GPC3: variants seen among roughly 807,000 people sequenced by gnomAD.
The protein encoded by GPC3 is glypican 3, also known as glypican-3.
GPC3 carries 3 observed loss-of-function variants against 34.4 expected under a neutral mutation model. That is an observed-to-expected ratio of 0.09 (90% confidence interval 0.04 to 0.23). GPC3 has a LOEUF of 0.23. Among genes scored for constraint, GPC3 ranks in the 10% least tolerant of loss-of-function variants. The pLI is 1.00. For missense variants in GPC3, 351 were observed against 445.6 expected (o/e 0.79, Z 1.91); for synonymous variants, 177 against 174.0 (o/e 1.02, Z -0.13).
At chrX:133,785,313 T>C (rs1479005527) in intron 2 of GPC3, among the ~76,000 whole-genome samples, 2 of 110,821 alleles carry the variant, frequency 1.8e-5, no homozygotes, top group Non-Finnish European at 3.8e-5. Context: ...TAGACTAGAG[T>C]GTCAGGTAAA....
chrX:133,964,763 T>C (rs1315123392), intron 1 of GPC3, among the ~76,000 whole-genome samples: 1 of 111,938 alleles, frequency 8.9e-6, no homozygotes, highest in Non-Finnish European at 1.9e-5. Context: ...GTAAGACTCA[T>C]TGTTTCAGAC....
chrX:133,664,502 CA>C (rs200227111), intron 5 of GPC3, among the ~76,000 whole-genome samples: 4,339 of 110,832 alleles, frequency 0.039, 211 homozygotes, highest in African/African-American at 0.13. Context: ...TTTTAATGTT[CA>C]AAAGTAGATT....
intron 6 of GPC3, among the ~76,000 whole-genome samples, chrX:133,608,743 C>G (rs921790952): frequency 1.8e-5 from 2 of 111,623 alleles, no homozygotes; most frequent in African/African-American, 6.5e-5. Flanking sequence ...TAGTTTCTGA[C>G]AAAACTTCCT....
chrX:133,705,970 C>G (rs1241359088), intron 3 of GPC3, among the ~76,000 whole-genome samples: 3 of 111,843 alleles, frequency 2.7e-5, no homozygotes, highest in Non-Finnish European at 5.6e-5. Flanking sequence ...TCTAGCTTGC[C>G]ACTTGCTGCC....
At chrX:133,873,533 T>C (rs920148099) in intron 2 of GPC3, among the ~76,000 whole-genome samples, 2 of 111,393 alleles carry the variant, frequency 1.8e-5, no homozygotes, top group Non-Finnish European at 3.8e-5. Context: ...CTAGGCCCCA[T>C]GGGTGATGAG....
intron 2 of GPC3, among the ~76,000 whole-genome samples, chrX:133,833,927 C>G (rs760567272): frequency 7.4e-4 from 82 of 111,227 alleles, no homozygotes; most frequent in African/African-American, 2.5e-3. Context: ...CTTTGTGTCT[C>G]TATGTCTCAC....
chrX:133,604,127 C>A (rs2124339461), intron 6 of GPC3, among the ~76,000 whole-genome samples: 1 of 111,456 alleles, frequency 9.0e-6, no homozygotes, highest in South Asian at 3.9e-4. Context: ...CCCCATTTCT[C>A]ACGTTAAGGG....
At chrX:133,627,188 T>A (rs754624476) in intron 6 of GPC3, among the ~76,000 whole-genome samples, 48 of 85,427 alleles carry the variant, frequency 5.6e-4, no homozygotes, top group South Asian at 1.8e-3. Flanking sequence ...GGGGGAGGGA[T>A]AGCATTAGGA....
chrX:133,782,262 A>T (rs1049194017), intron 2 of GPC3, among the ~76,000 whole-genome samples: 6 of 111,851 alleles, frequency 5.4e-5, no homozygotes, highest in Non-Finnish European at 1.1e-4. Context: ...TGAGACCTTC[A>T]CCGTAATTAT....
chrX:133,631,192 C>T (rs1297134190), intron 6 of GPC3, among the ~76,000 whole-genome samples: 2 of 111,716 alleles, frequency 1.8e-5, no homozygotes, highest in East Asian at 5.6e-4. Context: ...TACTGTACAA[C>T]CAATCTCCAG....
At chrX:133,605,151 G>C (rs1025741205) in intron 6 of GPC3, among the ~76,000 whole-genome samples, 1 of 105,862 alleles carries the variant, frequency 9.4e-6, no homozygotes, top group Non-Finnish European at 1.9e-5. Context: ...AGAATTAATG[G>C]CTATATATGC....
intron 2 of GPC3, among the ~76,000 whole-genome samples, chrX:133,864,982 G>C (rs981830259): frequency 5.3e-5 from 6 of 112,182 alleles, no homozygotes; most frequent in Non-Finnish European, 1.1e-4. Flanking sequence ...AAAATGTGAG[G>C]CATGCACTAT....
intron 7 of GPC3, among the ~76,000 whole-genome samples, chrX:133,541,933 CAA>C (rs2069345806): frequency 8.9e-6 from 1 of 111,750 alleles, no homozygotes; most frequent in South Asian, 3.8e-4. Flanking sequence ...TCTGGTAAAT[CAA>C]AGTGTTGAAC....
At chrX:133,751,877 TTTTTTG>T (rs376121606) in intron 3 of GPC3, among the ~76,000 whole-genome samples, 1,466 of 111,467 alleles carry the variant, frequency 0.013, 26 homozygotes, top group African/African-American at 0.043. Context: ...CTCTCTTGTT[TTTTTTG>T]TTTTTGTTTT....
At chrX:133,693,149 TAA>T (rs2071080233) in intron 4 of GPC3, among the ~76,000 whole-genome samples, 1 of 98,005 alleles carries the variant, frequency 1.0e-5, no homozygotes, top group Non-Finnish European at 2.0e-5. Flanking sequence ...CTACATATAA[TAA>T]GACAAGTGTG....
chrX:133,784,735 C>T (rs1196345667), intron 2 of GPC3, among the ~76,000 whole-genome samples: 1 of 112,278 alleles, frequency 8.9e-6, no homozygotes, highest in Non-Finnish European at 1.9e-5. Context: ...TCATAAAATT[C>T]ACTCCTTCAA....
intron 3 of GPC3, among the ~76,000 whole-genome samples, chrX:133,708,558 C>T (rs1253889293): frequency 9.0e-6 from 1 of 111,713 alleles, no homozygotes; most frequent in Non-Finnish European, 1.9e-5. Context: ...ATCACTGGGA[C>T]CCGAAGCCTC....
chrX:133,622,872 T>C (rs1249327545), intron 6 of GPC3, among the ~76,000 whole-genome samples: 2 of 110,729 alleles, frequency 1.8e-5, no homozygotes, highest in Non-Finnish European at 3.8e-5. Context: ...TTCACCAAAG[T>C]TGAAATGAAG....
chrX:133,735,299 C>T (rs1039144056), intron 3 of GPC3, among the ~76,000 whole-genome samples: 2 of 111,111 alleles, frequency 1.8e-5, no homozygotes, highest in Non-Finnish European at 3.8e-5. Context: ...CAAAAAAAAC[C>T]CTACATACAT....
Sources: allele counts gnomAD v4.1 joint callset (sites outside exome capture counted in the v4.1 genomes callset), GRCh38; gene constraint gnomAD v4.1.1; transcripts MANE v1.5; gene names NCBI Gene and HGNC (gene_info 2026-07-23, HGNC 2026-07-21).